TTBK2: variants seen among roughly 807,000 people sequenced by gnomAD.
TTBK2 encodes the protein tau-tubulin kinase 2.
In TTBK2, 28 loss-of-function variants were observed where a neutral mutation model predicts 110.8. The observed-to-expected ratio is 0.25, with a 90% CI of 0.19 to 0.35. TTBK2 has a LOEUF of 0.35. Ranked by LOEUF, TTBK2 falls within the 10% of genes least tolerant of loss-of-function variation. The pLI is 1.00. For missense variants in TTBK2, 1,369 were observed against 1,500.3 expected (o/e 0.91, Z 1.45); for synonymous variants, 532 against 527.3 (o/e 1.01, Z -0.12).
At chr15:42,771,396 T>C (rs1889671243) in intron 13 of TTBK2, among the ~76,000 whole-genome samples, 1 of 152,222 alleles carries the variant, frequency 6.6e-6, no homozygotes, top group Non-Finnish European at 1.5e-5. Flanking sequence ...TGTGTCCCCA[T>C]TCCTGTAAAC....
At chr15:42,848,772 G>A (rs1254552173) in intron 3 of TTBK2, among the ~76,000 whole-genome samples, 1 of 152,180 alleles carries the variant, frequency 6.6e-6, no homozygotes, top group African/African-American at 2.4e-5. Context: ...TCACAGGCGT[G>A]AGCCACTGTG....
intron 9 of TTBK2, among the ~76,000 whole-genome samples, chr15:42,806,339 G>T (rs1891469688): frequency 6.6e-6 from 1 of 152,220 alleles, no homozygotes; most frequent in Admixed American, 6.5e-5. Flanking sequence ...GCTTATCTCA[G>T]TACCTTCCCA....
Position 42,810,661 on chromosome 15 carries a change from G to A in TTBK2, c.775C>T (p.Leu259=). ...TAATCCAAAGAAGAGATATGGTCTA[G>A]AAAGATGCTGAATTCTGGAGGGAGA... ...KHLPPEFSIF[L]DHISSLDYFT... Residue 259 remains leucine (L), a synonymous_variant, in exon 9 of 15, where the codon CTA becomes TTA. Coordinates refer to ENST00000267890, the MANE Select transcript of TTBK2 (RefSeq NM_173500.4). 1 of 1,613,988 alleles carries A rather than the reference G, an allele frequency of 6.2e-7. No homozygotes were observed. The highest frequency in any genetic ancestry group is 8.5e-7 in the Non-Finnish European group (1 of 1,179,954).
chr15:42,812,235 C>T (rs544303957), intron 7 of TTBK2, among the ~76,000 whole-genome samples: 10 of 152,164 alleles, frequency 6.6e-5, no homozygotes, highest in African/African-American at 1.9e-4. Flanking sequence ...CTGAGATACA[C>T]CCCACCCCCA....
chr15:42,805,590 G>A (rs770851358), intron 9 of TTBK2, among the ~76,000 whole-genome samples: 34 of 152,258 alleles, frequency 2.2e-4, no homozygotes, highest in Admixed American at 4.6e-4. Flanking sequence ...GGCGTAATGG[G>A]GCAGAGGCAA....
rs933276422 is a variant in TTBK2, at chr15:42,752,561, G to A, written c.2685C>T (p.Asp895=). 2 of 1,613,998 alleles carry A rather than the reference G, an allele frequency of 1.2e-6. No homozygotes were observed. The highest frequency in any genetic ancestry group is 2.7e-5 in the African/African-American group (2 of 74,900). The part of the protein sequence containing the change: ...MSEDLPGHQG[D]LSTFLHQEGK... ...CCTCTTGGTGCAAAAAAGTAGAGAG[G>A]TCTCCTTGATGACCTGGCAAGTCTT... Residue 895 remains aspartate (D), a synonymous_variant, in exon 14 of 15, where the codon GAC becomes GAT. Coordinates refer to ENST00000267890, the MANE Select transcript of TTBK2 (RefSeq NM_173500.4).
intron 13 of TTBK2, among the ~76,000 whole-genome samples, chr15:42,753,707 A>G (rs2061901554): frequency 6.6e-6 from 1 of 152,072 alleles, no homozygotes; most frequent in South Asian, 2.1e-4. Context: ...CTCCCTTCTT[A>G]TGGCCTCTCT....
chr15:42,862,603 C>G (rs1347790938), intron 3 of TTBK2, among the ~76,000 whole-genome samples: 1 of 152,106 alleles, frequency 6.6e-6, no homozygotes, highest in Non-Finnish European at 1.5e-5. Context: ...TAATAGCCAT[C>G]TATGGCCAGG....
chr15:42,899,636 A>C (rs1364142376), intron 1 of TTBK2, among the ~76,000 whole-genome samples: 2 of 152,090 alleles, frequency 1.3e-5, no homozygotes, highest in African/African-American at 2.4e-5. Context: ...GCTACCTGGG[A>C]GGCTGAGGCA....
At chr15:42,912,075 G>T (rs1459425875) in intron 1 of TTBK2, among the ~76,000 whole-genome samples, 2 of 152,218 alleles carry the variant, frequency 1.3e-5, no homozygotes, top group African/African-American at 4.8e-5. Context: ...CGGCCCATGG[G>T]CCGCTGGTTG....
chr15:42,810,649 A>C lies in TTBK2; in HGVS notation c.787T>G (p.Ser263Ala). Residue 263 changes from serine to alanine, a missense_variant, in exon 9 of 15, where the codon TCT becomes GCT. Ser to Ala is a moderately conservative substitution (Grantham distance 99). Transcript: ENST00000267890. ...PEFSIFLDHI[S>A]SLDYFTKPDY... is the part of the protein sequence containing the mutation. ...GGTTTTGTAAAATAATCCAAAGAAG[A>C]GATATGGTCTAGAAAGATGCTGAAT... 6.2e-7 allele frequency: 1 copy of C among 1,614,004 alleles called. No individual in the cohort carries two copies. Among genetic ancestry groups the C allele is most frequent in the South Asian group, 1.1e-5 (1 of 91,076 alleles).
intron 3 of TTBK2, among the ~76,000 whole-genome samples, chr15:42,861,185 T>C (rs1413191357): frequency 6.6e-6 from 1 of 152,142 alleles, no homozygotes; most frequent in Non-Finnish European, 1.5e-5. Context: ...TTGACAGCAT[T>C]AGACAAATCA....
Position 42,783,538 on chromosome 15 carries a change from G to A in TTBK2, c.1078C>T (p.Pro360Ser). ...EQLSDGENGIPVGVSPDKLPG... is the reference protein window; with the variant it reads ...EQLSDGENGISVGVSPDKLPG... ...AATTTATCTGGTGACACACCAACAG[G>A]GATGCCATTTTCTCCATCGCTAAGC... The change falls in exon 11 of 15, where the codon CCT (proline) becomes TCT (serine). Residue 360 changes from proline (P) to serine (S), a missense_variant. Transcript: ENST00000267890. The A allele has an allele frequency of 6.2e-7, 1 of 1,614,052 alleles. No individual in the cohort carries two copies. Among genetic ancestry groups the A allele is most frequent in the Non-Finnish European group, 8.5e-7 (1 of 1,180,010 alleles).
chr15:42,871,706 T>C (rs566282863), intron 3 of TTBK2: 108 of 406,340 alleles, frequency 2.7e-4, no homozygotes, highest in African/African-American at 2.2e-3. Context: ...TATTCTTTCT[T>C]CTCCAATTAT....
intron 4 of TTBK2, among the ~76,000 whole-genome samples, chr15:42,833,881 C>T (rs1380252308): frequency 1.3e-5 from 2 of 151,906 alleles, no homozygotes; most frequent in African/African-American, 2.4e-5. Context: ...GTTGGCAGCG[C>T]GTGCCTGTAG....
chr15:42,743,399 C>T lies in TTBK2; in HGVS notation c.*2396G>A, dbSNP rs560693610. The T allele has an allele frequency of 3.3e-5, 5 of 152,326 alleles. No individual in the cohort carries two copies. In the South Asian group the frequency reaches 1.0e-3, roughly 32 times the overall value. 9.4% of individuals were successfully genotyped at this position (152,326 alleles called of 1,614,324 possible). On this transcript the variant is annotated 3_prime_UTR_variant, in exon 15 of 15. Transcript: ENST00000267890. The stretch of plus-strand genomic sequence containing the variant: ...GAAATAAAATCACACACACGTACCA[C>T]AGTTGTAGCTTCATCAGCTTTTCCA...
chr15:42,913,300 T>C (rs1032395645), intron 1 of TTBK2, among the ~76,000 whole-genome samples: 25 of 152,216 alleles, frequency 1.6e-4, no homozygotes, highest in African/African-American at 5.1e-4. Flanking sequence ...AATTATACTT[T>C]GGGCAACCTG....
chr15:42,739,529 T>C lies in TTBK2; in HGVS notation c.*6266A>G, dbSNP rs532079921. The C allele has an allele frequency of 1.4e-4, 22 of 152,128 alleles. No homozygotes were observed. Among genetic ancestry groups the C allele is most frequent in the Non-Finnish European group, 3.2e-4 (22 of 68,034 alleles). 9.4% of individuals were successfully genotyped at this position (152,128 alleles called of 1,614,324 possible). A position where few individuals can be genotyped will look rare whatever the true frequency, so the allele number is the denominator to read the frequency against. ...CTATTTTAGAAAAAGGGTCAGAAGG[T>C]AGACCAGGAACTATGTATCAAGGAG... On this transcript the variant is annotated 3_prime_UTR_variant, in exon 15 of 15. Coordinates refer to ENST00000267890, the MANE Select transcript of TTBK2 (RefSeq NM_173500.4).
Position 42,745,466 on chromosome 15 carries a change from C to T in TTBK2, c.*329G>A. On this transcript the variant is annotated 3_prime_UTR_variant, in exon 15 of 15. Transcript: ENST00000267890. The stretch of plus-strand genomic sequence containing the variant: ...TGAGGCTTAAAAAAATTAGGCAACC[C>T]CCCTAAAATTCCATTCTATCTCCTA... The T allele has an allele frequency of 3.3e-6, 1 of 302,270 alleles. No homozygotes were observed. Among genetic ancestry groups the T allele is most frequent in the Non-Finnish European group, 6.3e-6 (1 of 159,516 alleles). The allele number at this position is 302,270 out of a possible 1,614,324, so 18.7% of individuals were successfully genotyped here.
Sources: gnomAD v4.1 joint callset for allele counts (sites outside exome capture counted in the v4.1 genomes callset) on GRCh38, gnomAD v4.1.1 for gene constraint, MANE v1.5 for transcripts, NCBI Gene and HGNC (gene_info 2026-07-23, HGNC 2026-07-21) for gene names.